Variants in ITGB6 observed in about 807,000 individuals in gnomAD.
ITGB6 encodes integrin beta-6.
Under a neutral mutation model 84.5 loss-of-function variants are expected in ITGB6, and 80 were observed. That is an observed-to-expected ratio of 0.95 (90% confidence interval 0.79 to 1.14). The LOEUF is 1.14. ITGB6 is among the 50% of genes most tolerant of loss of function. The pLI is 0.00. For missense variants in ITGB6, 1,006 were observed against 968.0 expected, an observed-to-expected ratio of 1.04 and a Z score of -0.52; for synonymous variants, 383 against 354.9, an observed-to-expected ratio of 1.08 and a Z score of -0.89.
intron 7 of ITGB6, among the ~76,000 whole-genome samples, chr2:160,152,648 A>T (rs1253893034): frequency 1.3e-5 from 2 of 152,308 alleles, no homozygotes. Flanking sequence ...GGAAAAGAGG[A>T]AGTCAAATTT....
intron 7 of ITGB6, among the ~76,000 whole-genome samples, chr2:160,162,743 C>T (rs553316782): frequency 3.3e-5 from 5 of 152,166 alleles, no homozygotes; most frequent in East Asian, 1.9e-4. Context: ...CTCAGCCTCC[C>T]GAGTAGCTGG....
chr2:160,103,440 G>A (rs962260703), intron 14 of ITGB6, among the ~76,000 whole-genome samples: 3 of 152,154 alleles, frequency 2.0e-5, no homozygotes, highest in Admixed American at 2.0e-4. Flanking sequence ...ACAGAAAAAT[G>A]TTCCTTGGCT....
intron 7 of ITGB6, among the ~76,000 whole-genome samples, chr2:160,168,095 C>A (rs945530559): frequency 6.6e-6 from 1 of 152,216 alleles, no homozygotes; most frequent in Admixed American, 6.5e-5. Flanking sequence ...ATGGGCTCTG[C>A]GTAGAACACA....
intron 4 of ITGB6, among the ~76,000 whole-genome samples, chr2:160,175,553 GC>G (rs1212078863): frequency 6.6e-6 from 1 of 152,084 alleles, no homozygotes; most frequent in Non-Finnish European, 1.5e-5. Context: ...TCATTTTTAT[GC>G]TTTTCATGGA....
chr2:160,177,262 A>T (rs957456173), intron 4 of ITGB6, among the ~76,000 whole-genome samples: 2 of 152,012 alleles, frequency 1.3e-5, no homozygotes, highest in Non-Finnish European at 2.9e-5. Flanking sequence ...TTCTTATTCT[A>T]ATTTAATTTT....
intron 4 of ITGB6, among the ~76,000 whole-genome samples, chr2:160,191,534 A>G (rs1686143754): frequency 6.6e-6 from 1 of 152,198 alleles, no homozygotes; most frequent in Non-Finnish European, 1.5e-5. Context: ...GATCTGATGG[A>G]AGGAAATGAA....
chr2:160,168,319 G>A (rs1476819348), intron 7 of ITGB6, among the ~76,000 whole-genome samples: 1 of 152,192 alleles, frequency 6.6e-6, no homozygotes, highest in Non-Finnish European at 1.5e-5. Context: ...TAATCTCAGA[G>A]TTTCAGAAGC....
intron 6 of ITGB6, 26 bp from the exon 7 acceptor site, chr2:160,169,333 A>G (rs1451794132): frequency 3.2e-5 from 39 of 1,226,352 alleles, no homozygotes; most frequent in Non-Finnish European, 4.3e-5. Flanking sequence ...ATAATTTTGC[A>G]TCATCTCAAT....
chr2:160,120,472 T>C (rs376040574), intron 12 of ITGB6, among the ~76,000 whole-genome samples: 1 of 32,586 alleles, frequency 3.1e-5, no homozygotes, highest in African/African-American at 1.3e-4. Flanking sequence ...AACAATGAGA[T>C]CACTTGGACA....
chr2:160,109,805 A>T (rs1298679921), intron 13 of ITGB6, among the ~76,000 whole-genome samples: 1 of 152,196 alleles, frequency 6.6e-6, no homozygotes, highest in East Asian at 1.9e-4. Flanking sequence ...GCGTTGCACA[A>T]TCTGGTAGCT....
At chr2:160,143,033 A>C (rs6716933) in intron 7 of ITGB6, among the ~76,000 whole-genome samples, 7,411 of 152,284 alleles carry the variant, frequency 0.049, 522 homozygotes, top group African/African-American at 0.16. Context: ...CACATCTGTA[A>C]TCCCAGCACT....
At chr2:160,180,113 C>CAAAAAAAAAAAAA (rs34572460) in intron 4 of ITGB6, among the ~76,000 whole-genome samples, 2 of 82,098 alleles carry the variant, frequency 2.4e-5, no homozygotes, top group Non-Finnish European at 2.5e-5. Context: ...AACTCCACCT[C>CAAAAAAAAAAAAA]AAAAAAAAAA....
intron 7 of ITGB6, among the ~76,000 whole-genome samples, chr2:160,168,674 A>C (rs1559186591): frequency 6.6e-6 from 1 of 152,212 alleles, no homozygotes; most frequent in Non-Finnish European, 1.5e-5. Flanking sequence ...CCATTCAAAC[A>C]CTTGAGCTGC....
intron 8 of ITGB6, among the ~76,000 whole-genome samples, chr2:160,139,618 G>C (rs1191127206): frequency 6.6e-6 from 1 of 152,138 alleles, no homozygotes; most frequent in Admixed American, 6.6e-5. Context: ...CTAAATAAAG[G>C]AAATTTCAGC....
At chr2:160,115,436 C>G (rs866129517) in intron 12 of ITGB6, among the ~76,000 whole-genome samples, 1 of 152,330 alleles carries the variant, frequency 6.6e-6, no homozygotes, top group Middle Eastern at 3.4e-3. Context: ...CTCCAACAGA[C>G]CTGCAGCTGA....
At chr2:160,193,913 T>A (rs1440929064) in intron 4 of ITGB6, among the ~76,000 whole-genome samples, 1 of 152,154 alleles carries the variant, frequency 6.6e-6, no homozygotes, top group African/African-American at 2.4e-5. Context: ...TCCCAGCACT[T>A]TGGGAGGCCA....
At chr2:160,123,645 A>G in intron 12 of ITGB6, 146 bp downstream of exon 12, 1 of 609,200 alleles carries the variant, frequency 1.6e-6, no homozygotes, top group Non-Finnish European at 2.9e-6. Flanking sequence ...GGATGCATTT[A>G]CTCTTAAAAA....
At chr2:160,110,914 T>A (rs1682476854) in intron 13 of ITGB6, among the ~76,000 whole-genome samples, 1 of 152,238 alleles carries the variant, frequency 6.6e-6, no homozygotes, top group South Asian at 2.1e-4. Flanking sequence ...GCCTGGAGGC[T>A]GTCAGGTGAC....
At chr2:160,140,759 A>AAAACC (rs1683969395) in intron 8 of ITGB6, among the ~76,000 whole-genome samples, 1 of 152,252 alleles carries the variant, frequency 6.6e-6, no homozygotes, top group Non-Finnish European at 1.5e-5. Context: ...AAAACAAAAC[A>AAAACC]AAACCATCAT....
Sources: allele counts gnomAD v4.1 joint callset (sites outside exome capture counted in the v4.1 genomes callset), GRCh38; gene constraint gnomAD v4.1.1; transcripts MANE v1.5; gene names NCBI Gene and HGNC (gene_info 2026-07-23, HGNC 2026-07-21).